Variants in SLC8A2 observed in about 807,000 individuals in gnomAD.
The protein encoded by SLC8A2 is sodium/calcium exchanger 2.
In SLC8A2, 14 loss-of-function variants were observed where a neutral mutation model predicts 70.2. That is an observed-to-expected ratio of 0.20 (90% confidence interval 0.13 to 0.31). SLC8A2 has a LOEUF of 0.31. Ranked by LOEUF, SLC8A2 falls within the 10% of genes least tolerant of loss-of-function variation. The pLI, the probability that SLC8A2 is intolerant of heterozygous loss-of-function variation, is 1.00. For missense variants in SLC8A2, 779 were observed against 1,320.1 expected (o/e 0.59, Z 6.35); for synonymous variants, 575 against 594.3 (o/e 0.97, Z 0.47).
rs1396071964 is a variant in SLC8A2, at chr19:47,468,562, A to G, written c.-16-2143T>C. 2.0e-5 allele frequency among the ~76,000 whole-genome samples: 3 copies of G among 152,114 alleles called. No individual in the cohort carries two copies. The highest frequency in any genetic ancestry group is 1.5e-5 in the Non-Finnish European group (1 of 68,022). Reference sequence around the variant, plus strand: ...CTTGGCCTCCCAAAGTGCTGGGATCACAGGTGCGTGCCACCGTGCCCCGCC... The same window carrying G: ...CTTGGCCTCCCAAAGTGCTGGGATCGCAGGTGCGTGCCACCGTGCCCCGCC... On this transcript the variant is annotated intron_variant, in intron 1 of 9. Coordinates refer to ENST00000236877, the MANE Select transcript of SLC8A2 (RefSeq NM_015063.3). The surrounding 1 kb of genome is among the most constrained non-coding windows in gnomAD (Gnocchi z 5.1).
At chr19:47,446,214 G>A (rs1568442717) in intron 4 of SLC8A2, among the ~76,000 whole-genome samples, 1 of 151,816 alleles carries the variant, frequency 6.6e-6, no homozygotes, top group Non-Finnish European at 1.5e-5. Context: ...CACGGAGGAG[G>A]GAGACAGACG....
rs776660043 is a variant in SLC8A2, at chr19:47,447,809, A to T, written c.1763T>A (p.Met588Lys). ...GELEFGDDET[M>K]KTLQVKIVDD... is the part of the protein sequence containing the mutation. Reference sequence around the variant, plus strand: ...TCCGGGCCGCCTCGGGCGTGCTCACATGGTCTCGTCGTCGCCAAACTCCAG... The same window carrying T: ...TCCGGGCCGCCTCGGGCGTGCTCACTTGGTCTCGTCGTCGCCAAACTCCAG... Residue 588 changes from methionine to lysine, a missense_variant and splice_region_variant, in exon 4 of 10, where the codon ATG becomes AAG. Met to Lys is a moderately conservative substitution (Grantham distance 95, BLOSUM62 -1). Transcript: ENST00000236877. This position sits in a 1 kb window ranked among gnomAD's most constrained non-coding sequence, Gnocchi z 5.1. 6.3e-7 allele frequency: 1 copy of T among 1,585,604 alleles called. No individual in the cohort carries two copies. The highest frequency in any genetic ancestry group is 8.5e-7 in the Non-Finnish European group (1 of 1,174,302).
At chr19:47,443,661 C>T (rs1161113845) in intron 4 of SLC8A2, among the ~76,000 whole-genome samples, 1 of 152,252 alleles carries the variant, frequency 6.6e-6, no homozygotes, top group East Asian at 1.9e-4. Context: ...TGTGGTACCA[C>T]GTAGACGCTC....
At position 47,448,867 on chromosome 19, in the gene SLC8A2, A is replaced by T. The variant is rs959870499; in HGVS notation, c.1341-636T>A. 2.6e-5 allele frequency among the ~76,000 whole-genome samples: 4 copies of T among 152,234 alleles called. No individual in the cohort carries two copies. In the East Asian group the frequency reaches 7.7e-4, roughly 29 times the overall value. ...CATACACCTTAACTTGGCATCACTC[A>T]TTCATTCAACAAACACTCCTAAGGG... On this transcript the variant is annotated intron_variant, in intron 3 of 9. Transcript: ENST00000236877. This position sits in a 1 kb window ranked among gnomAD's most constrained non-coding sequence, Gnocchi z 4.8.
chr19:47,436,096 C>T (rs1422418330), intron 8 of SLC8A2, among the ~76,000 whole-genome samples: 1 of 152,194 alleles, frequency 6.6e-6, no homozygotes, highest in East Asian at 1.9e-4. Flanking sequence ...CATAATCTCG[C>T]ACACTCCAGG....
At position 47,457,179 on chromosome 19, in the gene SLC8A2, G is replaced by A; in HGVS notation, c.1091C>T (p.Ala364Val). ...CGCGTGTCTGCGCAGCACGTTCCCG[G>A]CGCCGGTCATCAGCCGCGTGGCCTG... is the stretch of plus-strand genomic sequence containing the variant. Reference protein sequence around the residue: ...RIQATRLMTGAGNVLRRHAAD... With the variant: ...RIQATRLMTGVGNVLRRHAAD... Residue 364 changes from alanine to valine, a missense_variant, in exon 3 of 10, where the codon GCC becomes GTC. Around this residue, in one of 6 missense-constraint regions of SLC8A2, gnomAD observed 186 missense variants for 246.6 expected, o/e 0.75. Transcript: ENST00000236877. The A allele has an allele frequency of 6.5e-7, 1 of 1,544,474 alleles. No individual in the cohort carries two copies. The highest frequency in any genetic ancestry group is 1.2e-5 in the South Asian group (1 of 83,312).
intron 4 of SLC8A2, among the ~76,000 whole-genome samples, chr19:47,445,864 A>ATGGT (rs1335270417): frequency 6.6e-6 from 1 of 152,158 alleles, no homozygotes; most frequent in Non-Finnish European, 1.5e-5. Flanking sequence ...GGGGTCTGGG[A>ATGGT]TGGTGCCTCT....
rs549585938 is a variant in SLC8A2, at chr19:47,460,626, G to C, written c.676-3032C>G. On this transcript the variant is annotated intron_variant, in intron 2 of 9. Transcript: ENST00000236877. ...GCAGGAGAATTGCTTGAGCCCAGGA[G>C]GGGGAGGTTGCAGTGAGCCGAGATC... Among the ~76,000 whole-genome samples the C allele has an allele frequency of 3.0e-4, 46 of 152,102 alleles. 1 individual carries two copies. In the South Asian group the frequency reaches 9.1e-3, roughly 30 times the overall value.
rs1195220602 is a variant in SLC8A2 at position 47,466,143 on chromosome 19, G to C, written c.261C>G (p.Ser87=). The stretch of plus-strand genomic sequence containing the variant: ...CCGCCATGAAACGGTCGGCGATGAT[G>C]GACACTCCCAGAAACATGTAGACCA... The part of the protein sequence containing the change: ...VAMVYMFLGV[S]IIADRFMAAI... The change falls in exon 2 of 10, where the codon TCC becomes TCG. Residue 87 remains serine (S), a synonymous_variant. Transcript: ENST00000236877. The surrounding 1 kb of genome is among the most constrained non-coding windows in gnomAD (Gnocchi z 6.9). 4 of 1,614,080 alleles carry C rather than the reference G, an allele frequency of 2.5e-6. No individual in the cohort carries two copies. The East Asian group carries it at 8.9e-5, about 36-fold the overall frequency.
At position 47,447,953 on chromosome 19, in the gene SLC8A2, G is replaced by A. The variant is rs1346934491; in HGVS notation, c.1619C>T (p.Thr540Ile). The A allele has an allele frequency of 6.4e-7, 1 of 1,562,142 alleles. No individual in the cohort carries two copies. The highest frequency in any genetic ancestry group is 1.2e-5 in the South Asian group (1 of 85,880). The change falls in exon 4 of 10, where the codon ACC (threonine) becomes ATC (isoleucine). Residue 540 changes from threonine to isoleucine, a missense_variant. Coordinates refer to ENST00000236877, the MANE Select transcript of SLC8A2 (RefSeq NM_015063.3). This position sits in a 1 kb window ranked among gnomAD's most constrained non-coding sequence, Gnocchi z 5.1. ...GCTGCGCACGACGCGCACGTCCACG[G>A]TGCCCATGCACTCGCTCACGTGCAG... ...RLLHVSECMG[T>I]VDVRVVRSSG...
chr19:47,457,577 C>A lies in SLC8A2; in HGVS notation c.693G>T (p.Leu231=). The A allele has an allele frequency of 6.4e-7, 1 of 1,567,958 alleles. No homozygotes were observed. Among genetic ancestry groups the A allele is most frequent in the South Asian group, 1.2e-5 (1 of 85,332 alleles). The change falls in exon 3 of 10, where the codon CTG becomes CTT. Residue 231 remains leucine, a synonymous_variant. Coordinates refer to ENST00000236877, the MANE Select transcript of SLC8A2 (RefSeq NM_015063.3). The part of the protein sequence containing the change: ...PGVVQVWEAL[L]TLVFFPVCVV... ...CGCACACCGGGAAGAAGACCAGGGT[C>A]AGCAGCGCCTCCCACACCTGCGGGC...
In SLC8A2 at chr19:47,468,478, G is replaced by A. The variant is rs191830739; in HGVS notation, c.-16-2059C>T. ...TGCCCAGCTAATTTATTGTAGAGCCGGGAGTCTCTATGTTGCCCAGGCTGT... is the reference window on the plus strand; with the variant it reads ...TGCCCAGCTAATTTATTGTAGAGCCAGGAGTCTCTATGTTGCCCAGGCTGT... On this transcript the variant is annotated intron_variant, in intron 1 of 9. Coordinates refer to ENST00000236877, the MANE Select transcript of SLC8A2 (RefSeq NM_015063.3). This position sits in a 1 kb window ranked among gnomAD's most constrained non-coding sequence, Gnocchi z 5.1. 2.0e-5 allele frequency among the ~76,000 whole-genome samples: 3 copies of A among 152,214 alleles called. No homozygotes were observed. Among genetic ancestry groups the A allele is most frequent in the South Asian group, 2.1e-4 (1 of 4,830 alleles).
chr19:47,429,926 A>G lies in SLC8A2; in HGVS notation c.*163T>C, dbSNP rs1417596269. On this transcript the variant is annotated 3_prime_UTR_variant, in exon 10 of 10. Coordinates refer to ENST00000236877, the MANE Select transcript of SLC8A2 (RefSeq NM_015063.3). ...GAGGGAAGGCTGAGCTACTGGGGAC[A>G]CAGAACAGGGCAATCAAAGCCAGGG... is the stretch of plus-strand genomic sequence containing the variant. 5.5e-6 allele frequency: 3 copies of G among 547,960 alleles called. No homozygotes were observed. Among genetic ancestry groups the G allele is most frequent in the African/African-American group, 6.2e-5 (1 of 16,122 alleles). The allele number at this position is 547,960 out of a possible 1,614,324, so 33.9% of individuals were successfully genotyped here.
At chr19:47,441,229 C>T in intron 5 of SLC8A2, 43 bp from the exon 6 acceptor site, 1 of 1,612,732 alleles carries the variant, frequency 6.2e-7, no homozygotes, top group South Asian at 1.1e-5. Context: ...ATCAGTTCCC[C>T]ACGAAGCTCA....
intron 1 of SLC8A2, among the ~76,000 whole-genome samples, chr19:47,467,028 G>C (rs1967472410): frequency 6.6e-6 from 1 of 152,188 alleles, no homozygotes; most frequent in Non-Finnish European, 1.5e-5. Flanking sequence ...CTGTACTCCA[G>C]CCTGGGTGAC....
rs896589117 is a variant in SLC8A2, at chr19:47,447,079, C to T, written c.1763+730G>A. ...CCTCGCCCAGATTCGCGTTAGGTGC[C>T]CCGCTATTTCCCCAGGTTCTTCCTC... On this transcript the variant is annotated intron_variant, in intron 4 of 9. Coordinates refer to ENST00000236877, the MANE Select transcript of SLC8A2 (RefSeq NM_015063.3). The surrounding 1 kb of genome is among the most constrained non-coding windows in gnomAD (Gnocchi z 5.1). Among the ~76,000 whole-genome samples, 2 of 148,792 alleles carry T rather than the reference C, an allele frequency of 1.3e-5. No homozygotes were observed. The highest frequency in any genetic ancestry group is 4.9e-5 in the African/African-American group (2 of 40,618).
intron 3 of SLC8A2, 22 bp downstream of exon 3, chr19:47,456,908 C>A (rs768900176): frequency 1.9e-6 from 3 of 1,563,326 alleles, no homozygotes; most frequent in South Asian, 2.4e-5. Context: ...CCCCTGCACA[C>A]CCCCCACCCC....
rs772526248 is a variant in SLC8A2 at position 47,437,965 on chromosome 19, C to T, written c.1894G>A (p.Asp632Asn). Residue 632 changes from aspartate (D) to asparagine (N), a missense_variant, in exon 7 of 10, where the codon GAC (aspartate) becomes AAC (asparagine). Coordinates refer to ENST00000236877, the MANE Select transcript of SLC8A2 (RefSeq NM_015063.3). ...TCCTCCTCGGCTGTTAGCTTCCTGT[C>T]CCCATCCCCTGCAGCATGAGGGGTG... is the stretch of plus-strand genomic sequence containing the variant. ...SALLLNQGDG[D>N]RKLTAEEEEA... 13 of 1,614,028 alleles carry T rather than the reference C, an allele frequency of 8.1e-6. No homozygotes were observed. The highest frequency in any genetic ancestry group is 1.1e-5 in the Non-Finnish European group (13 of 1,180,048).
rs1276256678 is a variant in SLC8A2 at position 47,468,325 on chromosome 19, C to T, written c.-16-1906G>A. ...TATTTATGTATTTTTGAGACGGGAT[C>T]TCACTCTGCCACCCAGGCTGAAGTG... is the stretch of plus-strand genomic sequence containing the variant. On this transcript the variant is annotated intron_variant, in intron 1 of 9. Coordinates refer to ENST00000236877, the MANE Select transcript of SLC8A2 (RefSeq NM_015063.3). The surrounding 1 kb of genome is among the most constrained non-coding windows in gnomAD (Gnocchi z 5.1). Among the ~76,000 whole-genome samples the T allele has an allele frequency of 6.6e-6, 1 of 152,194 alleles. No homozygotes were observed. Among genetic ancestry groups the T allele is most frequent in the Non-Finnish European group, 1.5e-5 (1 of 68,046 alleles).
Sources: allele counts gnomAD v4.1 joint callset (sites outside exome capture counted in the v4.1 genomes callset), GRCh38; gene constraint gnomAD v4.1.1; regional missense constraint gnomAD v4.1.1; non-coding constraint Gnocchi (gnomAD v3.1); transcripts MANE v1.5; gene names NCBI Gene and HGNC (gene_info 2026-07-23, HGNC 2026-07-21).